SGK1: variants seen among roughly 807,000 people sequenced by gnomAD.
SGK1 encodes serine/threonine-protein kinase Sgk1.
In SGK1, 26 loss-of-function variants were observed where a neutral mutation model predicts 64.2. The observed-to-expected ratio is 0.40, with a 90% confidence interval of 0.30 to 0.56. The LOEUF is 0.56. Ranked by LOEUF, SGK1 falls within the 20% of genes least tolerant of loss-of-function variation. SGK1 has a pLI of 0.38. For synonymous variants in SGK1, 265 were observed against 239.7 expected, an observed-to-expected ratio of 1.11 and a Z score of -0.98; for missense variants, 519 against 645.6, an observed-to-expected ratio of 0.80 and a Z score of 2.12.
rs967334970 is a variant in SGK1, at chr6:134,170,194, C to T, written c.*74G>A. 30 of 1,287,320 alleles carry T rather than the reference C, an allele frequency of 2.3e-5. No individual in the cohort carries two copies. Among genetic ancestry groups the T allele is most frequent in the Middle Eastern group, 2.1e-4 (1 of 4,780 alleles). The allele number at this position is 1,287,320 out of a possible 1,614,324, so 79.7% of individuals were successfully genotyped here. ...TCTTGTAAGATGTCCTGTCAGCTGG[C>T]GGCTCCACCAAAAGGCTAACTAAAA... On this transcript the variant is annotated 3_prime_UTR_variant, in exon 14 of 14. Transcript: ENST00000367858.
chr6:134,171,002 G>C (rs758033352), intron 12 of SGK1, 21 bp downstream of exon 12: 7 of 1,613,920 alleles, frequency 4.3e-6, no homozygotes, highest in African/African-American at 1.3e-5. Flanking sequence ...CGGCCCAGGA[G>C]GACAGGAAAA....
rs987995757 is a variant in SGK1, at chr6:134,172,138, ATC to A, written c.1071+53_1071+54del. The A allele has an allele frequency of 5.0e-6, 8 of 1,599,066 alleles. No individual in the cohort carries two copies. In the African/African-American group the frequency reaches 1.1e-4, roughly 22 times the overall value. On this transcript the variant is annotated intron_variant, in intron 10 of 13. Coordinates refer to ENST00000367858, the MANE Select transcript of SGK1 (RefSeq NM_001143676.3). ...TTGGTAGTTAAGTGCATGATTGTAC[ATC>A]TCTCTCTTGGAAGGCGGGGGTAAAC... is the stretch of plus-strand genomic sequence containing the variant.
chr6:134,263,534 T>C (rs1386006247), intron 1 of SGK1, among the ~76,000 whole-genome samples: 2 of 152,020 alleles, frequency 1.3e-5, no homozygotes, highest in Non-Finnish European at 2.9e-5. Flanking sequence ...CCGGCCCATA[T>C]ATACTACTGC....
At chr6:134,265,852 A>T (rs1431777245) in intron 1 of SGK1, among the ~76,000 whole-genome samples, 1 of 151,750 alleles carries the variant, frequency 6.6e-6, no homozygotes, top group African/African-American at 2.4e-5. Flanking sequence ...GGTCAAGCCA[A>T]GCTGGTTAGA....
intron 3 of SGK1, among the ~76,000 whole-genome samples, chr6:134,204,665 C>T (rs544181220): frequency 6.6e-5 from 10 of 151,588 alleles, no homozygotes; most frequent in Admixed American, 1.3e-4. Context: ...GTGATTCTCC[C>T]GCCTCAGTCT....
At chr6:134,294,474 T>G (rs1777310841) in intron 1 of SGK1, among the ~76,000 whole-genome samples, 2 of 152,246 alleles carry the variant, frequency 1.3e-5, no homozygotes, top group African/African-American at 2.4e-5. Flanking sequence ...GTACCTCATG[T>G]AAATTGAATT....
At chr6:134,259,036 C>G (rs1003794857) in intron 2 of SGK1, among the ~76,000 whole-genome samples, 1 of 152,094 alleles carries the variant, frequency 6.6e-6, no homozygotes, top group Middle Eastern at 3.4e-3. Flanking sequence ...TTTGTGATAA[C>G]CTTAGGAAAA....
intron 1 of SGK1, among the ~76,000 whole-genome samples, chr6:134,270,574 T>C (rs147443278): frequency 1.3e-5 from 2 of 148,414 alleles, no homozygotes; most frequent in African/African-American, 2.4e-5. Flanking sequence ...CCTGAGAAGA[T>C]GGAGTGACTT....
chr6:134,250,126 A>G (rs2114734946), intron 2 of SGK1, among the ~76,000 whole-genome samples: 1 of 152,352 alleles, frequency 6.6e-6, no homozygotes, highest in South Asian at 2.1e-4. Flanking sequence ...ACAACAGGAA[A>G]TACTCACTAG....
chr6:134,171,561 T>G (rs1775026808), intron 11 of SGK1, 76 bp downstream of exon 11: 2 of 1,026,994 alleles, frequency 1.9e-6, no homozygotes, highest in Non-Finnish European at 1.5e-6. Context: ...CAAGACACCA[T>G]GGCCAAGCAT....
In SGK1 at chr6:134,170,173, G is replaced by T. The variant is rs1582677448; in HGVS notation, c.*95C>A. 8.4e-6 allele frequency: 9 copies of T among 1,072,254 alleles called. No homozygotes were observed. The East Asian group carries it at 1.9e-4, about 23-fold the overall frequency. The allele number at this position is 1,072,254 out of a possible 1,614,324, so 66.4% of individuals were successfully genotyped here. A position where few individuals can be genotyped will look rare whatever the true frequency, so the allele number is the denominator to read the frequency against. ...CTTCCAGAGATGTGCAAATTCTCTT[G>T]TAAGATGTCCTGTCAGCTGGCGGCT... On this transcript the variant is annotated 3_prime_UTR_variant, in exon 14 of 14. Coordinates refer to ENST00000367858, the MANE Select transcript of SGK1 (RefSeq NM_001143676.3).
At chr6:134,248,998 C>CT (rs2114733233) in intron 2 of SGK1, among the ~76,000 whole-genome samples, 1 of 152,198 alleles carries the variant, frequency 6.6e-6, no homozygotes, top group Non-Finnish European at 1.5e-5. Flanking sequence ...TTTCAGGCTC[C>CT]TCTTTTTAAT....
At chr6:134,301,012 A>G (rs1777446157) in intron 1 of SGK1, among the ~76,000 whole-genome samples, 1 of 152,202 alleles carries the variant, frequency 6.6e-6, no homozygotes, top group Non-Finnish European at 1.5e-5. Flanking sequence ...AAAGAGAAAT[A>G]ATTTCTAGAT....
chr6:134,217,215 G>T (rs1018334258), intron 2 of SGK1, among the ~76,000 whole-genome samples: 38 of 152,168 alleles, frequency 2.5e-4, no homozygotes, highest in African/African-American at 9.2e-4. Flanking sequence ...CTTGAAGAAT[G>T]ACTGAAAACT....
intron 1 of SGK1, among the ~76,000 whole-genome samples, chr6:134,273,567 T>G (rs1218879948): frequency 9.8e-6 from 1 of 102,564 alleles, no homozygotes; most frequent in Non-Finnish European, 1.7e-5. Context: ...CACTCCAGCC[T>G]GGGCGACAGA....
At chr6:134,232,473 A>AAGAAAAGAAAG (rs1776303822) in intron 2 of SGK1, among the ~76,000 whole-genome samples, 1 of 96,106 alleles carries the variant, frequency 1.0e-5, no homozygotes, top group African/African-American at 5.2e-5. Flanking sequence ...GAAAGAAAGA[A>AAGAAAAGAAAG]AGAAAGAAAG....
intron 1 of SGK1, among the ~76,000 whole-genome samples, chr6:134,299,043 C>T (rs1055072508): frequency 6.6e-6 from 1 of 152,008 alleles, no homozygotes; most frequent in Non-Finnish European, 1.5e-5. Context: ...TCGTGATCCA[C>T]CTGCCTCGAC....
intron 2 of SGK1, among the ~76,000 whole-genome samples, chr6:134,210,013 T>C (rs1162120858): frequency 6.6e-6 from 1 of 152,140 alleles, no homozygotes; most frequent in Admixed American, 6.5e-5. Context: ...AGTGCATGAA[T>C]TTACCATCTG....
In SGK1 at chr6:134,174,646, A is replaced by T. The variant is rs1226320862; in HGVS notation, c.362-60T>A. On this transcript the variant is annotated intron_variant, in intron 3 of 13. Transcript: ENST00000367858. ...AGACGGCTTCATAACGTCCGGCGCC[A>T]CACACACTAATCTGATCCGGGACTT... The T allele has an allele frequency of 1.9e-6, 3 of 1,604,630 alleles. No individual in the cohort carries two copies. The South Asian group carries it at 3.3e-5, about 18-fold the overall frequency.
Sources: allele counts gnomAD v4.1 joint callset (sites outside exome capture counted in the v4.1 genomes callset), GRCh38; gene constraint gnomAD v4.1.1; transcripts MANE v1.5; gene names NCBI Gene and HGNC (gene_info 2026-07-23, HGNC 2026-07-21).